Variants in DGKH observed in about 807,000 individuals in gnomAD.
DGKH encodes DAG kinase eta.
DGKH carries 90 observed loss-of-function variants against 159.3 expected under a neutral mutation model. The observed-to-expected ratio is 0.57, with a 90% confidence interval of 0.48 to 0.67. The LOEUF (loss-of-function observed/expected upper bound fraction) is 0.67. DGKH is among the 30% of genes least tolerant of loss of function. DGKH has a pLI of 0.00. For synonymous variants in DGKH, 536 were observed against 553.8 expected (o/e 0.97, Z 0.45); for missense variants, 1,181 against 1,506.1 (o/e 0.78, Z 3.57).
intron 1 of DGKH, among the ~76,000 whole-genome samples, chr13:42,102,294 A>T (rs989983948): frequency 2.0e-5 from 3 of 152,258 alleles, no homozygotes; most frequent in African/African-American, 7.2e-5. Flanking sequence ...CTGCAGAGCA[A>T]AGAGGCAGCT....
chr13:42,212,924 C>A (rs1176888780), intron 24 of DGKH, among the ~76,000 whole-genome samples: 1 of 152,080 alleles, frequency 6.6e-6, no homozygotes, highest in East Asian at 1.9e-4. Flanking sequence ...AGAAAAGGAG[C>A]AATTTAAGCA....
chr13:42,055,211 A>T (rs1193798458), intron 1 of DGKH, among the ~76,000 whole-genome samples: 1 of 152,194 alleles, frequency 6.6e-6, no homozygotes, highest in African/African-American at 2.4e-5. Context: ...AAGCATTGCA[A>T]AGTTAAGGTG....
intron 20 of DGKH, among the ~76,000 whole-genome samples, chr13:42,201,503 AG>A (rs1225006756): frequency 3.9e-5 from 6 of 152,174 alleles, no homozygotes; most frequent in African/African-American, 1.4e-4. Context: ...TTCCTGGAAG[AG>A]CCTCAGCTCT....
rs7997363 is a variant in DGKH, at chr13:42,070,444, A to G, written c.192+21479A>G. ...GCATTTCAGCAGAGATGCAGCCTGC[A>G]GCCCACATGTCAATGGCTTTAGTAT... is the stretch of plus-strand genomic sequence containing the variant. On this transcript the variant is annotated intron_variant, in intron 1 of 29. Coordinates refer to ENST00000337343, the MANE Select transcript of DGKH (RefSeq NM_178009.5). 2.9e-4 allele frequency: 375 copies of G among 1,304,354 alleles called. 1 individual carries two copies. Among genetic ancestry groups the G allele is most frequent in the Middle Eastern group, 2.6e-3 (14 of 5,420 alleles). 80.8% of individuals were successfully genotyped at this position (1,304,354 alleles called of 1,614,324 possible).
intron 25 of DGKH, among the ~76,000 whole-genome samples, chr13:42,215,157 CG>C (rs768644005): frequency 0.011 from 1,563 of 136,048 alleles, 14 homozygotes; most frequent in Middle Eastern, 0.042. Context: ...AAACTGATAG[CG>C]TTTTTTTTTT....
rs1452413662 is a variant in DGKH at position 42,241,644 on chromosome 13, AG to A, written c.*12457del. 2.6e-5 allele frequency: 4 copies of A among 152,320 alleles called. No homozygotes were observed. In the East Asian group the frequency reaches 5.8e-4, roughly 22 times the overall value. The allele number at this position is 152,320 out of a possible 1,614,324, so 9.4% of individuals were successfully genotyped here. Reference sequence around the variant, plus strand: ...TAAGAGCTGTGCATGGTAAACCCACAGTAGAAGGGAAAAAGTAATGCTTTCT... The same window carrying A: ...TAAGAGCTGTGCATGGTAAACCCACATAGAAGGGAAAAAGTAATGCTTTCT... On this transcript the variant is annotated 3_prime_UTR_variant, in exon 30 of 30. Transcript: ENST00000337343.
rs941009083 is a variant in DGKH at position 42,235,711 on chromosome 13, T to A, written c.*6523T>A. 1 of 152,156 alleles carries A rather than the reference T, an allele frequency of 6.6e-6. No individual in the cohort carries two copies. The highest frequency in any genetic ancestry group is 1.5e-5 in the Non-Finnish European group (1 of 67,990). 9.4% of individuals were successfully genotyped at this position (152,156 alleles called of 1,614,324 possible). ...GTGAAAGGTTTTGGTATTGTAACAT[T>A]CCCAGTTTTGTGAGTTATATATTGT... On this transcript the variant is annotated 3_prime_UTR_variant, in exon 30 of 30. Coordinates refer to ENST00000337343, the MANE Select transcript of DGKH (RefSeq NM_178009.5).
At chr13:42,073,059 T>C (rs1883077732) in intron 1 of DGKH, among the ~76,000 whole-genome samples, 1 of 152,244 alleles carries the variant, frequency 6.6e-6, no homozygotes. Context: ...TACATAGTCA[T>C]TGCTTAAACG....
intron 1 of DGKH, among the ~76,000 whole-genome samples, chr13:42,127,143 A>G (rs921549125): frequency 1.3e-5 from 2 of 152,160 alleles, no homozygotes; most frequent in Non-Finnish European, 2.9e-5. Flanking sequence ...TCGTAATCAT[A>G]TTATACTGCA....
At chr13:42,246,764 T>C (rs923422833), downstream of DGKH, among the ~76,000 whole-genome samples, 2 of 152,184 alleles carry the variant, frequency 1.3e-5, no homozygotes, top group Non-Finnish European at 2.9e-5. Flanking sequence ...CATGCTGCTG[T>C]ATCACCCCCC....
intron 1 of DGKH, among the ~76,000 whole-genome samples, chr13:42,112,617 A>G (rs543405155): frequency 7.2e-5 from 11 of 151,996 alleles, no homozygotes; most frequent in African/African-American, 2.4e-4. Flanking sequence ...GAGAACAACT[A>G]CTCCTGGTGG....
At chr13:42,049,151 A>G (rs1349263175) in intron 1 of DGKH, among the ~76,000 whole-genome samples, 186 bp downstream of exon 1, 2 of 25,932 alleles carry the variant, frequency 7.7e-5, no homozygotes, top group Admixed American at 4.5e-4. Context: ...TGAGACGGTG[A>G]GGCGGGGCGG....
At chr13:42,056,728 G>C (rs1881785814) in intron 1 of DGKH, among the ~76,000 whole-genome samples, 2 of 152,182 alleles carry the variant, frequency 1.3e-5, no homozygotes, top group Non-Finnish European at 2.9e-5. Flanking sequence ...TTCTTGGGCA[G>C]TGAAACTTTA....
rs1267989586 is a variant in DGKH, at chr13:42,070,754, C to T, written c.192+21789C>T. The T allele has an allele frequency of 6.3e-6, 10 of 1,593,350 alleles. No homozygotes were observed. The East Asian group carries it at 2.2e-4, about 36-fold the overall frequency. On this transcript the variant is annotated intron_variant, in intron 1 of 29. Coordinates refer to ENST00000337343, the MANE Select transcript of DGKH (RefSeq NM_178009.5). ...CCCTGCTCCAGCACTTTAGACAAGT[C>T]TGTCTTCATGTACTCCTGAACAATG... is the stretch of plus-strand genomic sequence containing the variant.
Position 42,219,328 on chromosome 13 carries a change from C to T in DGKH, c.3312C>T (p.Ile1104=). ...KLTEIPWLYY[I]LHPNEDEEPP... The stretch of plus-strand genomic sequence containing the variant: ...CAGAGATTCCTTGGCTTTATTATAT[C>T]TTACACCCAAATGAGGATGAGGTAT... The change falls in exon 27 of 30, where the codon ATC becomes ATT. Residue 1104 remains isoleucine, a synonymous_variant. Transcript: ENST00000337343. 1 of 1,613,836 alleles carries T rather than the reference C, an allele frequency of 6.2e-7. No homozygotes were observed. Among genetic ancestry groups the T allele is most frequent in the Non-Finnish European group, 8.5e-7 (1 of 1,179,826 alleles).
chr13:42,147,164 A>G (rs1045762818), intron 3 of DGKH, among the ~76,000 whole-genome samples: 22 of 152,098 alleles, frequency 1.4e-4, no homozygotes, highest in African/African-American at 5.3e-4. Context: ...TTTGGGGAGG[A>G]TTGGTATATA....
intron 3 of DGKH, among the ~76,000 whole-genome samples, chr13:42,142,456 G>A (rs1384192369): frequency 6.6e-6 from 1 of 151,238 alleles, no homozygotes. Flanking sequence ...GCTTGATGGG[G>A]ATGGCATTGA....
At chr13:42,115,308 A>C (rs1003148849) in intron 1 of DGKH, among the ~76,000 whole-genome samples, 1 of 152,212 alleles carries the variant, frequency 6.6e-6, no homozygotes, top group African/African-American at 2.4e-5. Flanking sequence ...ATTAGTTAAC[A>C]TGTATTAATT....
intron 29 of DGKH, chr13:42,252,370 A>T (rs897698639): frequency 2.6e-5 from 4 of 152,150 alleles, no homozygotes; most frequent in Non-Finnish European, 4.4e-5. Context: ...AGTTTTCTTT[A>T]AACATTTTTC....
Sources: gnomAD v4.1 joint callset for allele counts (sites outside exome capture counted in the v4.1 genomes callset) on GRCh38, gnomAD v4.1.1 for gene constraint, MANE v1.5 for transcripts, NCBI Gene and HGNC (gene_info 2026-07-23, HGNC 2026-07-21) for gene names.